The following PTPDC1 variants were observed in gnomAD, a reference collection of about 807,000 sequenced individuals.
The protein encoded by PTPDC1 is protein tyrosine phosphatase domain containing 1.
In PTPDC1, 53 loss-of-function variants were observed where a neutral mutation model predicts 75.3. The ratio of observed to expected loss-of-function variants is 0.70; its 90% confidence interval spans 0.56 to 0.88. The LOEUF is 0.88. Among genes scored for constraint, PTPDC1 ranks in the 40% least tolerant of loss-of-function variants. PTPDC1 has a pLI of 0.00. For synonymous variants in PTPDC1, 349 were observed against 366.2 expected, an observed-to-expected ratio of 0.95 and a Z score of 0.54; for missense variants, 925 against 998.6, an observed-to-expected ratio of 0.93 and a Z score of 0.99.
chr9:94,044,099 C>T (rs1345681491), intron 1 of PTPDC1, among the ~76,000 whole-genome samples: 1 of 152,124 alleles, frequency 6.6e-6, no homozygotes, highest in Non-Finnish European at 1.5e-5. Flanking sequence ...AATCCTGCAA[C>T]TTTGTTCTTC....
intron 2 of PTPDC1, among the ~76,000 whole-genome samples, chr9:94,077,734 T>C (rs1826742267): frequency 6.6e-6 from 1 of 152,146 alleles, no homozygotes; most frequent in African/African-American, 2.4e-5. Context: ...CCACTGGCCA[T>C]TGTTGATCAA....
intron 1 of PTPDC1, among the ~76,000 whole-genome samples, chr9:94,054,136 G>A (rs1263310740): frequency 2.0e-5 from 3 of 152,174 alleles, no homozygotes; most frequent in Non-Finnish European, 2.9e-5. Context: ...GTAGGACAAG[G>A]CAGACAATAG....
intron 1 of PTPDC1, among the ~76,000 whole-genome samples, chr9:94,037,287 C>G (rs900064827): frequency 6.6e-6 from 1 of 152,056 alleles, no homozygotes; most frequent in Non-Finnish European, 1.5e-5. Context: ...ATTCTGTTCC[C>G]AATACTGTTT....
intron 7 of PTPDC1, among the ~76,000 whole-genome samples, chr9:94,102,909 T>G (rs1564039048): frequency 6.6e-5 from 10 of 152,126 alleles, no homozygotes; most frequent in Admixed American, 5.9e-4. Flanking sequence ...TGTTATTGAA[T>G]AACCAGCCTT....
rs776409673 is a variant in PTPDC1, at chr9:94,097,628, G to C, written c.1062G>C (p.Ala354=). 2 of 1,613,906 alleles carry C rather than the reference G, an allele frequency of 1.2e-6. No homozygotes were observed. The highest frequency in any genetic ancestry group is 1.7e-6 in the Non-Finnish European group (2 of 1,180,050). ...HLVCKLLLDL[A]ENRPVMMKDV... is the part of the protein sequence containing the mutation. ...TTTGCAAATTGCTGCTGGACTTAGCGGAGAACAGGCCAGTGATGATGAAGG... is the reference window on the plus strand; with the variant it reads ...TTTGCAAATTGCTGCTGGACTTAGCCGAGAACAGGCCAGTGATGATGAAGG... Residue 354 remains alanine (A), a synonymous_variant, in exon 6 of 9, where the codon GCG becomes GCC. Coordinates refer to ENST00000620992, the MANE Select transcript of PTPDC1 (RefSeq NM_001253829.2).
intron 6 of PTPDC1, 74 bp downstream of exon 6, chr9:94,098,653 C>T (rs1410593418): frequency 8.1e-7 from 1 of 1,240,786 alleles, no homozygotes; most frequent in Non-Finnish European, 1.2e-6. Flanking sequence ...GATACATTTT[C>T]CCAAACTTAT....
intron 1 of PTPDC1, among the ~76,000 whole-genome samples, chr9:94,053,347 G>A (rs753193730): frequency 1.3e-4 from 19 of 151,450 alleles, no homozygotes; most frequent in Non-Finnish European, 2.5e-4. Flanking sequence ...TTCCTCTGGG[G>A]TGATTTGGAA....
chr9:94,095,821 A>T (rs1238238930), intron 5 of PTPDC1, among the ~76,000 whole-genome samples: 1 of 152,330 alleles, frequency 6.6e-6, no homozygotes, highest in East Asian at 1.9e-4. Context: ...ATCAAAAAAA[A>T]TTTTAAGATA....
At chr9:94,056,328 C>T (rs1825935217) in intron 1 of PTPDC1, among the ~76,000 whole-genome samples, 1 of 150,818 alleles carries the variant, frequency 6.6e-6, no homozygotes, top group African/African-American at 2.4e-5. Context: ...CTATTTTTTG[C>T]TACGTAAGCT....
Position 94,084,624 on chromosome 9 carries a change from C to G in PTPDC1, c.94C>G (p.Leu32Val). ...GRRHSTSDPV[L>V]RLQQARRGSG... ...CCGGCACTCCACCTCAGACCCAGTA[C>G]TGCGGCTGCAGCAGGCCCGGCGGGG... Residue 32 changes from leucine (L) to valine (V), a missense_variant, in exon 1 of 9, where the codon CTG becomes GTG. By Grantham distance (32) the Leu-to-Val change is conservative. Transcript: ENST00000620992. 6.2e-7 allele frequency: 1 copy of G among 1,613,570 alleles called. No homozygotes were observed.
At chr9:94,107,720 GT>G in intron 8 of PTPDC1, 107 bp from the exon 9 acceptor site, 2 of 536,512 alleles carry the variant, frequency 3.7e-6, no homozygotes, top group South Asian at 6.8e-5. Context: ...TTTATATAGA[GT>G]TTTGTTTGTA....
At position 94,033,689 on chromosome 9, in the gene PTPDC1, C is replaced by T. The variant is rs1829770102; in HGVS notation, c.-7+2562C>T. 3.3e-5 allele frequency among the ~76,000 whole-genome samples: 5 copies of T among 152,046 alleles called. No individual in the cohort carries two copies. In the South Asian group the frequency reaches 1.0e-3, roughly 31 times the overall value. ...TTTTCTATTAATATTAGTTTTTTTC[C>T]TCTCTCACTCTCTTTAGAGCAAATT... On this transcript the variant is annotated intron_variant, in intron 1 of 9. Coordinates refer to the PTPDC1 transcript ENST00000375360.
At chr9:94,046,483 A>C (rs917644403) in intron 1 of PTPDC1, among the ~76,000 whole-genome samples, 6 of 152,100 alleles carry the variant, frequency 3.9e-5, no homozygotes, top group African/African-American at 1.2e-4. Flanking sequence ...ATGAGCATGG[A>C]ATGTTCTTCC....
intron 2 of PTPDC1, among the ~76,000 whole-genome samples, chr9:94,072,283 G>A (rs1237452785): frequency 1.3e-5 from 2 of 152,164 alleles, no homozygotes; most frequent in African/African-American, 2.4e-5. Context: ...TGGGATTATA[G>A]GCATGAGCCA....
chr9:94,085,190 C>A, intron 1 of PTPDC1, 61 bp from the exon 2 acceptor site: 1 of 1,441,902 alleles, frequency 6.9e-7, no homozygotes, highest in Non-Finnish European at 9.6e-7. Flanking sequence ...AAGCTATTTC[C>A]CATGTTACAA....
At chr9:94,100,068 A>AT (rs1445437437) in intron 6 of PTPDC1, 5 of 152,150 alleles carry the variant, frequency 3.3e-5, no homozygotes, top group African/African-American at 1.2e-4. Flanking sequence ...ATTTCATGTG[A>AT]TTTTTCACAG....
chr9:94,071,203 T>A (rs1280637084), intron 2 of PTPDC1, among the ~76,000 whole-genome samples: 1 of 152,214 alleles, frequency 6.6e-6, no homozygotes, highest in Non-Finnish European at 1.5e-5. Flanking sequence ...ATTTTAGCCA[T>A]TAGAGCAGTT....
At chr9:94,085,659 AATGAT>A (rs1827047478) in intron 2 of PTPDC1, among the ~76,000 whole-genome samples, 1 of 152,202 alleles carries the variant, frequency 6.6e-6, no homozygotes. Context: ...AATTAAGTGA[AATGAT>A]ATATATAAAG....
At chr9:94,076,535 T>C (rs938154035) in intron 2 of PTPDC1, among the ~76,000 whole-genome samples, 1 of 152,218 alleles carries the variant, frequency 6.6e-6, no homozygotes, top group East Asian at 1.9e-4. Flanking sequence ...CTTTTTATGG[T>C]TGAATAATTT....
Sources: allele counts gnomAD v4.1 joint callset (sites outside exome capture counted in the v4.1 genomes callset), GRCh38; gene constraint gnomAD v4.1.1; transcripts MANE v1.5; gene names NCBI Gene and HGNC (gene_info 2026-07-23, HGNC 2026-07-21).